The following DLG2 variants were observed in gnomAD, a reference collection of about 807,000 sequenced individuals.
The protein encoded by DLG2 is disks large homolog 2.
In DLG2, 45 loss-of-function variants were observed where a neutral mutation model predicts 132.5. The observed-to-expected ratio is 0.34, with a 90% CI of 0.27 to 0.44. DLG2 has a LOEUF of 0.44. Ranked by LOEUF, DLG2 falls within the 20% of genes least tolerant of loss-of-function variation. The pLI is 1.00. For synonymous variants in DLG2, 424 were observed against 419.6 expected, an observed-to-expected ratio of 1.01 and a Z score of -0.13; for missense variants, 1,045 against 1,196.9, an observed-to-expected ratio of 0.87 and a Z score of 1.87.
chr11:84,163,204 T>C (rs1420496924), intron 9 of DLG2, among the ~76,000 whole-genome samples: 4 of 152,114 alleles, frequency 2.6e-5, no homozygotes, highest in African/African-American at 9.7e-5. Flanking sequence ...CTGTACAAGC[T>C]CATCAAACAT....
chr11:85,020,111 A>G (rs1315081725), intron 6 of DLG2, among the ~76,000 whole-genome samples: 1 of 152,120 alleles, frequency 6.6e-6, no homozygotes, highest in Admixed American at 6.5e-5. Context: ...CTATTTCTCC[A>G]CATCCTCTCC....
At chr11:84,304,334 A>G (rs982972460) in intron 7 of DLG2, among the ~76,000 whole-genome samples, 4 of 152,214 alleles carry the variant, frequency 2.6e-5, no homozygotes, top group Non-Finnish European at 5.9e-5. Context: ...CCGCGATGTA[A>G]GGCAATACTC....
intron 10 of DLG2, among the ~76,000 whole-genome samples, chr11:84,093,904 C>T (rs1268112498): frequency 1.3e-5 from 2 of 151,948 alleles, no homozygotes; most frequent in African/African-American, 2.4e-5. Flanking sequence ...CATGAGCCAT[C>T]GCGCCTATTC....
At chr11:85,006,837 G>C (rs533806708) in intron 6 of DLG2, among the ~76,000 whole-genome samples, 61 of 152,064 alleles carry the variant, frequency 4.0e-4, no homozygotes, top group African/African-American at 1.4e-3. Flanking sequence ...GTCGACTTTA[G>C]ATCTTTCCTG....
At chr11:84,472,973 A>G (rs1419361861) in intron 7 of DLG2, among the ~76,000 whole-genome samples, 1 of 152,068 alleles carries the variant, frequency 6.6e-6, no homozygotes, top group African/African-American at 2.4e-5. Flanking sequence ...AAATACTTCA[A>G]GTAAGCCAGA....
chr11:84,050,421 T>C (rs964113330), intron 11 of DLG2, among the ~76,000 whole-genome samples: 1 of 151,804 alleles, frequency 6.6e-6, no homozygotes. Flanking sequence ...GATATTAGCC[T>C]TTTGTCAGAT....
intron 8 of DLG2, among the ~76,000 whole-genome samples, chr11:84,200,930 C>G (rs2168007): frequency 6.6e-6 from 1 of 151,926 alleles, no homozygotes; most frequent in Non-Finnish European, 1.5e-5. Context: ...TACTTGAATA[C>G]CTTTTATTTC....
At chr11:83,743,449 T>TTTTTTTTTTTTTA (rs1555372680) in intron 18 of DLG2, among the ~76,000 whole-genome samples, 18 of 124,098 alleles carry the variant, frequency 1.5e-4, no homozygotes, top group African/African-American at 4.1e-4. Context: ...TTTTTTTTTT[T>TTTTTTTTTTTTTA]ATGACAGGGT....
intron 19 of DLG2, among the ~76,000 whole-genome samples, chr11:83,545,413 C>G (rs1163367327): frequency 6.6e-6 from 1 of 152,088 alleles, no homozygotes; most frequent in Non-Finnish European, 1.5e-5. Flanking sequence ...ATCAGGGGAT[C>G]TGTGTGCCAA....
chr11:85,551,610 A>C (rs1195022759), intron 3 of DLG2, among the ~76,000 whole-genome samples: 3 of 152,116 alleles, frequency 2.0e-5, no homozygotes, highest in Non-Finnish European at 2.9e-5. Context: ...CATTCAAATT[A>C]ATAACATTAA....
intron 15 of DLG2, among the ~76,000 whole-genome samples, chr11:83,881,251 T>C (rs2066180906): frequency 6.6e-6 from 1 of 152,178 alleles, no homozygotes; most frequent in Non-Finnish European, 1.5e-5. Flanking sequence ...ATTTTATTGC[T>C]AAGCTTAGAG....
chr11:84,987,623 C>G (rs1404102864), intron 6 of DLG2, among the ~76,000 whole-genome samples: 1 of 152,146 alleles, frequency 6.6e-6, no homozygotes, highest in Non-Finnish European at 1.5e-5. Context: ...CAAATACTTA[C>G]AACCAACTGA....
chr11:83,474,995 ACTT>A (rs2092469375), intron 22 of DLG2, among the ~76,000 whole-genome samples: 1 of 152,046 alleles, frequency 6.6e-6, no homozygotes, highest in South Asian at 2.1e-4. Flanking sequence ...TCTATCCATC[ACTT>A]CTTGGTTTAC....
At chr11:85,295,451 T>C (rs2079156075) in intron 3 of DLG2, among the ~76,000 whole-genome samples, 1 of 152,106 alleles carries the variant, frequency 6.6e-6, no homozygotes. Flanking sequence ...TGTCATTCAT[T>C]TTACTAACTT....
intron 3 of DLG2, among the ~76,000 whole-genome samples, chr11:85,550,017 C>T (rs1397472198): frequency 6.6e-6 from 1 of 152,192 alleles, no homozygotes; most frequent in Non-Finnish European, 1.5e-5. Context: ...CAGCCCATGC[C>T]ACCACTCTGC....
intron 10 of DLG2, among the ~76,000 whole-genome samples, chr11:84,079,972 G>C (rs2096880703): frequency 6.6e-6 from 1 of 152,152 alleles, no homozygotes; most frequent in African/African-American, 2.4e-5. Flanking sequence ...GGCTTCCCCT[G>C]AGTATCTTAG....
chr11:85,066,372 A>G (rs1346602920), intron 6 of DLG2, among the ~76,000 whole-genome samples: 1 of 151,696 alleles, frequency 6.6e-6, no homozygotes, highest in East Asian at 1.9e-4. Flanking sequence ...AGATGTACAA[A>G]AGACAGTGGT....
At chr11:84,125,124 A>G (rs1236728595) in intron 9 of DLG2, among the ~76,000 whole-genome samples, 1 of 152,122 alleles carries the variant, frequency 6.6e-6, no homozygotes, top group Non-Finnish European at 1.5e-5. Context: ...TGCTGGGATT[A>G]CAGGTGTGAG....
intron 4 of DLG2, among the ~76,000 whole-genome samples, chr11:85,266,177 A>G (rs984399586): frequency 6.6e-6 from 1 of 152,224 alleles, no homozygotes; most frequent in African/African-American, 2.4e-5. Context: ...CCCAACCTGG[A>G]CACTGCCACA....
Sources: gnomAD v4.1 joint callset for allele counts (sites outside exome capture counted in the v4.1 genomes callset) on GRCh38, gnomAD v4.1.1 for gene constraint, MANE v1.5 for transcripts, NCBI Gene and HGNC (gene_info 2026-07-23, HGNC 2026-07-21) for gene names.